HTR1F: variants seen among roughly 807,000 people sequenced by gnomAD.
HTR1F encodes 5-hydroxytryptamine (serotonin) receptor 1F, G protein-coupled.
HTR1F carries 17 observed loss-of-function variants against 24.0 expected under a neutral mutation model. That is an observed-to-expected ratio of 0.71 (90% CI 0.48 to 1.06). HTR1F has a LOEUF of 1.06. Ranked by LOEUF, HTR1F falls within the 50% of genes least tolerant of loss-of-function variation. The pLI is 0.00. For missense variants in HTR1F, 391 were observed against 427.8 expected, an observed-to-expected ratio of 0.91 and a Z score of 0.76; for synonymous variants, 186 against 156.8, an observed-to-expected ratio of 1.19 and a Z score of -1.39.
chr3:87,849,762 G>GA lies in HTR1F; in HGVS notation c.-43+27644dup, dbSNP rs572820039. Among the ~76,000 whole-genome samples, 452 of 151,678 alleles carry GA rather than the reference G, an allele frequency of 3.0e-3. 14 individuals carry two copies. Among genetic ancestry groups the GA allele is most frequent in the African/African-American group, 0.01 (432 of 41,206 alleles). On this transcript the variant is annotated intron_variant, in intron 2 of 2. Coordinates refer to ENST00000319595, the MANE Select transcript of HTR1F (RefSeq NM_001322209.2). ...ACAATGAACTCAAACAAATTTACAA[G>GA]AAAAAACAAACAACCCCATCAAAAA... is the stretch of plus-strand genomic sequence containing the variant.
chr3:87,937,860 G>T (rs1031332549), intron 2 of HTR1F, among the ~76,000 whole-genome samples: 2 of 151,268 alleles, frequency 1.3e-5, no homozygotes, highest in Non-Finnish European at 2.9e-5. Context: ...GGAGGCAGAG[G>T]TTGCAGTGAG....
At chr3:87,937,369 G>T (rs569980964) in intron 2 of HTR1F, among the ~76,000 whole-genome samples, 1 of 152,008 alleles carries the variant, frequency 6.6e-6, no homozygotes, top group Non-Finnish European at 1.5e-5. Context: ...AAAACAAAAC[G>T]ACATGATTGT....
At chr3:87,882,561 C>A (rs887779600) in intron 2 of HTR1F, among the ~76,000 whole-genome samples, 1 of 152,026 alleles carries the variant, frequency 6.6e-6, no homozygotes, top group Admixed American at 6.6e-5. Flanking sequence ...TTTGTAGGGA[C>A]ATGGATGAAA....
At chr3:87,815,585 C>T (rs979075270) in intron 1 of HTR1F, among the ~76,000 whole-genome samples, 5 of 152,006 alleles carry the variant, frequency 3.3e-5, no homozygotes, top group African/African-American at 1.2e-4. Context: ...AACTGATGAC[C>T]AGTTTACCTT....
At chr3:87,902,736 T>G (rs1233803556) in intron 2 of HTR1F, among the ~76,000 whole-genome samples, 2 of 141,940 alleles carry the variant, frequency 1.4e-5, no homozygotes, top group Non-Finnish European at 3.1e-5. Flanking sequence ...CTCCTAAAGC[T>G]ATCCCTCCCC....
chr3:87,860,376 A>T (rs1243695896), intron 2 of HTR1F, among the ~76,000 whole-genome samples: 2 of 152,156 alleles, frequency 1.3e-5, no homozygotes, highest in African/African-American at 4.8e-5. Context: ...CATAACATAC[A>T]CTGGATTGTA....
chr3:87,947,699 G>A (rs1312735525), intron 2 of HTR1F, among the ~76,000 whole-genome samples: 3 of 152,132 alleles, frequency 2.0e-5, no homozygotes, highest in Non-Finnish European at 4.4e-5. Flanking sequence ...CACTGTGGAG[G>A]ATTTTGGGGT....
chr3:87,950,755 T>C (rs527554329), intron 2 of HTR1F, among the ~76,000 whole-genome samples: 3 of 152,160 alleles, frequency 2.0e-5, no homozygotes, highest in African/African-American at 4.8e-5. Flanking sequence ...ACAGAGTTCA[T>C]TGGTTTCAGA....
At chr3:87,867,741 T>A (rs1705459711) in intron 2 of HTR1F, among the ~76,000 whole-genome samples, 1 of 152,148 alleles carries the variant, frequency 6.6e-6, no homozygotes, top group Non-Finnish European at 1.5e-5. Flanking sequence ...ACTAAAAGTG[T>A]TCTAATTTTC....
chr3:87,798,338 A>G (rs1703939503), intron 1 of HTR1F, among the ~76,000 whole-genome samples: 1 of 151,924 alleles, frequency 6.6e-6, no homozygotes, highest in East Asian at 1.9e-4. Flanking sequence ...TGTCAAGCTG[A>G]CCACCCTCTC....
intron 2 of HTR1F, among the ~76,000 whole-genome samples, chr3:87,918,212 G>A (rs1328613606): frequency 6.6e-6 from 1 of 151,804 alleles, no homozygotes; most frequent in Non-Finnish European, 1.5e-5. Context: ...ACATACAAGG[G>A]ACATACGTCA....
intron 2 of HTR1F, among the ~76,000 whole-genome samples, chr3:87,925,911 T>G (rs1414252966): frequency 6.6e-6 from 1 of 152,188 alleles, no homozygotes; most frequent in African/African-American, 2.4e-5. Context: ...TGAATTCCAG[T>G]GTTCTCTCTT....
chr3:87,829,817 G>A (rs1389731727), intron 2 of HTR1F, among the ~76,000 whole-genome samples: 1 of 152,134 alleles, frequency 6.6e-6, no homozygotes, highest in African/African-American at 2.4e-5. Context: ...AATTTACCCT[G>A]TTATGTAATC....
chr3:87,902,174 T>C lies in HTR1F; in HGVS notation c.-43+80050T>C, dbSNP rs547322869. Among the ~76,000 whole-genome samples, 4 of 152,222 alleles carry C rather than the reference T, an allele frequency of 2.6e-5. No individual in the cohort carries two copies. The East Asian group carries it at 5.8e-4, about 22-fold the overall frequency. On this transcript the variant is annotated intron_variant, in intron 2 of 2. Coordinates refer to ENST00000319595, the MANE Select transcript of HTR1F (RefSeq NM_001322209.2). The stretch of plus-strand genomic sequence containing the variant: ...ATCTTAAATGATCACATATCAAATA[T>C]ATAACACTGTAGTAGTTAAGATTAG...
chr3:87,915,786 G>A lies in HTR1F; in HGVS notation c.-42-74922G>A, dbSNP rs368259281. ...CTAAAAGTTTGGAAAACATATTTGG[G>A]GAACTAATCAAGGAAAACTTCCCCA... On this transcript the variant is annotated intron_variant, in intron 2 of 2. Coordinates refer to ENST00000319595, the MANE Select transcript of HTR1F (RefSeq NM_001322209.2). Among the ~76,000 whole-genome samples the A allele has an allele frequency of 1.9e-3, 288 of 152,200 alleles. 2 individuals are homozygous for A. Among genetic ancestry groups the A allele is most frequent in the South Asian group, 0.016 (76 of 4,820 alleles).
At chr3:87,872,275 G>T (rs1705575211) in intron 2 of HTR1F, among the ~76,000 whole-genome samples, 2 of 152,054 alleles carry the variant, frequency 1.3e-5, no homozygotes, top group Non-Finnish European at 2.9e-5. Flanking sequence ...AGAAAAGTTT[G>T]TAGTGGTAAA....
At chr3:87,939,405 G>T (rs746024153) in intron 2 of HTR1F, among the ~76,000 whole-genome samples, 15 of 152,308 alleles carry the variant, frequency 9.8e-5, no homozygotes, top group Admixed American at 2.6e-4. Flanking sequence ...AGTTAGGGAG[G>T]AGTCCCTCTT....
chr3:87,862,815 T>C (rs1705345048), intron 2 of HTR1F, among the ~76,000 whole-genome samples: 1 of 152,208 alleles, frequency 6.6e-6, no homozygotes, highest in South Asian at 2.1e-4. Context: ...CTCTTTTTTT[T>C]TCTTTTCTTT....
At chr3:87,881,509 C>G (rs1214186065) in intron 2 of HTR1F, among the ~76,000 whole-genome samples, 2 of 152,012 alleles carry the variant, frequency 1.3e-5, no homozygotes, top group African/African-American at 4.8e-5. Flanking sequence ...CAGGGAATGG[C>G]TGAAAAAAAG....
Sources: gnomAD v4.1 joint callset for allele counts (sites outside exome capture counted in the v4.1 genomes callset) on GRCh38, gnomAD v4.1.1 for gene constraint, MANE v1.5 for transcripts, NCBI Gene and HGNC (gene_info 2026-07-23, HGNC 2026-07-21) for gene names.